The following SP140 variants were observed in gnomAD, a reference collection of about 807,000 sequenced individuals.
The protein encoded by SP140 is nuclear body protein SP140.
A neutral mutation model predicts 125.0 loss-of-function variants in SP140; 81 were observed. The ratio of observed to expected loss-of-function variants is 0.65; its 90% CI spans 0.54 to 0.78. The LOEUF (loss-of-function observed/expected upper bound fraction) is 0.78. Ranked by LOEUF, SP140 falls within the 30% of genes least tolerant of loss-of-function variation. The pLI is 0.00. For synonymous variants in SP140, 312 were observed against 354.0 expected, an observed-to-expected ratio of 0.88 and a Z score of 1.33; for missense variants, 858 against 1,037.0, an observed-to-expected ratio of 0.83 and a Z score of 2.37.
chr2:230,186,957 A>G, the SP140 span, among the ~76,000 whole-genome samples: 1 of 152,232 alleles, frequency 6.6e-6, no homozygotes, highest in Non-Finnish European at 1.5e-5. Context: ...TTATGCAGCA[A>G]TAAACATGTG....
At chr2:230,260,287 T>A (rs1313965254) in intron 12 of SP140, among the ~76,000 whole-genome samples, 2 of 152,142 alleles carry the variant, frequency 1.3e-5, no homozygotes, top group Non-Finnish European at 2.9e-5. Context: ...TTTGATGGGA[T>A]TGTTTGTTTT....
upstream of SP140, chr2:230,200,750 A>G (rs1278130391): frequency 6.8e-6 from 5 of 735,426 alleles, no homozygotes; most frequent in East Asian, 1.3e-4. Flanking sequence ...TGATTAAGAA[A>G]AAAAAATCCA....
chr2:230,310,495 A>G (rs2555833), intron 23 of SP140: 6 of 828,790 alleles, frequency 7.2e-6, no homozygotes, highest in South Asian at 5.4e-5. Flanking sequence ...GCTCAGACAG[A>G]GAAAGGAGAG....
chr2:230,314,008 C>T (rs2059462301), downstream of SP140, among the ~76,000 whole-genome samples: 1 of 152,162 alleles, frequency 6.6e-6, no homozygotes. Flanking sequence ...CCCTCATACA[C>T]CTGCAGCTGG....
At chr2:230,280,813 TA>T (rs1559320971) in intron 15 of SP140, among the ~76,000 whole-genome samples, 2 of 152,132 alleles carry the variant, frequency 1.3e-5, no homozygotes, top group African/African-American at 2.4e-5. Context: ...TTACTTAATT[TA>T]AAAAAATATT....
chr2:230,212,269 A>C (rs2044573628), intron 1 of SP140: 1 of 1,057,622 alleles, frequency 9.5e-7, no homozygotes, highest in South Asian at 1.3e-5. Context: ...TTCCCACCAT[A>C]GCCTCTTGGT....
chr2:230,225,205 A>T (rs575174447), upstream of SP140, among the ~76,000 whole-genome samples: 4 of 152,236 alleles, frequency 2.6e-5, no homozygotes, highest in Admixed American at 2.6e-4. Flanking sequence ...TATTTGAGAA[A>T]ACTTAGAATT....
intron 22 of SP140, among the ~76,000 whole-genome samples, chr2:230,309,370 A>C (rs1285852539): frequency 6.6e-6 from 1 of 152,100 alleles, no homozygotes; most frequent in East Asian, 1.9e-4. Flanking sequence ...GGTCATCTCC[A>C]CCCACGGTCC....
rs2057274452 is a variant in SP140 at position 230,292,755 on chromosome 2, C to G, written c.1935C>G (p.Arg645=). The G allele has an allele frequency of 6.2e-7, 1 of 1,614,228 alleles. No homozygotes were observed. Among genetic ancestry groups the G allele is most frequent in the Non-Finnish European group, 8.5e-7 (1 of 1,180,026 alleles). Residue 645 remains arginine (R), a synonymous_variant, in exon 20 of 27, where the codon CGC becomes CGG. Coordinates refer to ENST00000392045, the MANE Select transcript of SP140 (RefSeq NM_007237.5). ...CAAAGAACTGGAGGCTGAGTGTGCG[C>G]TGTGGCGGGTGGCCCCTACGATGGC... ...ARSKNWRLSV[R]CGGWPLRWLM...
At chr2:230,285,639 T>C in intron 16 of SP140, 113 bp from the exon 17 acceptor site, 1 of 846,432 alleles carries the variant, frequency 1.2e-6, no homozygotes, top group Non-Finnish European at 1.9e-6. Context: ...TCTGGACACC[T>C]GCTCGAGGGG....
chr2:230,303,730 C>T (rs1340672949), intron 22 of SP140, among the ~76,000 whole-genome samples: 2 of 152,178 alleles, frequency 1.3e-5, no homozygotes, highest in East Asian at 3.9e-4. Flanking sequence ...AAACCCTCCA[C>T]AAAATTGGCA....
intron 1 of SP140, among the ~76,000 whole-genome samples, chr2:230,231,330 T>A (rs976148201): frequency 1.3e-5 from 2 of 152,224 alleles, no homozygotes; most frequent in African/African-American, 4.8e-5. Context: ...ATTTTTTTTT[T>A]AAGTCAGACA....
chr2:230,238,123 A>G (rs1207785072), intron 2 of SP140, 90 bp from the exon 3 acceptor site: 3 of 881,068 alleles, frequency 3.4e-6, no homozygotes, highest in Non-Finnish European at 5.2e-6. Flanking sequence ...CTAACATTTC[A>G]CAAGAGAACA....
intron 1 of SP140, chr2:230,207,862 T>G: frequency 1.5e-6 from 1 of 669,072 alleles, no homozygotes; most frequent in South Asian, 1.7e-5. Context: ...ATTGTGTCAC[T>G]TCACTGACTA....
At chr2:230,241,999 G>A (rs1050191554) in intron 4 of SP140, among the ~76,000 whole-genome samples, 9 of 152,092 alleles carry the variant, frequency 5.9e-5, no homozygotes, top group African/African-American at 9.7e-5. Flanking sequence ...GAGCCTGAAA[G>A]ATAGAATTGC....
At chr2:230,309,244 G>C (rs1451254999) in intron 22 of SP140, among the ~76,000 whole-genome samples, 1 of 152,184 alleles carries the variant, frequency 6.6e-6, no homozygotes, top group East Asian at 1.9e-4. Context: ...TGTTACCATT[G>C]TCCTTGGTCA....
intron 15 of SP140, among the ~76,000 whole-genome samples, chr2:230,271,772 A>C (rs966363451): frequency 2.0e-5 from 3 of 152,218 alleles, no homozygotes; most frequent in Non-Finnish European, 4.4e-5. Flanking sequence ...CCAGGTCAAA[A>C]AACATGATAA....
chr2:230,212,034 T>C (rs73102211), intron 1 of SP140, among the ~76,000 whole-genome samples: 12,561 of 152,214 alleles, frequency 0.083, 1,473 homozygotes, highest in African/African-American at 0.26. Context: ...ATAACATTGT[T>C]CTTAGAATCC....
At chr2:230,294,210 T>TA in intron 20 of SP140, 61 bp from the exon 21 acceptor site, 1 of 1,396,550 alleles carries the variant, frequency 7.2e-7, no homozygotes, top group Non-Finnish European at 1.0e-6. Flanking sequence ...AGGTTGGAAA[T>TA]GCCAGACTCA....
Sources: gnomAD v4.1 joint callset for allele counts (sites outside exome capture counted in the v4.1 genomes callset) on GRCh38, gnomAD v4.1.1 for gene constraint, MANE v1.5 for transcripts, NCBI Gene and HGNC (gene_info 2026-07-23, HGNC 2026-07-21) for gene names.